The following HERC2 variants were observed in gnomAD, a reference collection of about 807,000 sequenced individuals.
The protein encoded by HERC2 is HECT and RLD domain containing E3 ubiquitin protein ligase 2.
Under a neutral mutation model 537.7 loss-of-function variants are expected in HERC2, and 102 were observed. The ratio of observed to expected loss-of-function variants is 0.19; its 90% confidence interval spans 0.16 to 0.22. The LOEUF (loss-of-function observed/expected upper bound fraction) is 0.22, where lower values mean the gene tolerates loss of function less well. Ranked by LOEUF, HERC2 falls within the 10% of genes least tolerant of loss-of-function variation. The pLI, the probability that HERC2 is intolerant of heterozygous loss-of-function variation, is 1.00. For synonymous variants in HERC2, 2,224 were observed against 2,466.2 expected (o/e 0.90, Z 2.91); for missense variants, 4,236 against 6,198.2 (o/e 0.68, Z 10.63).
At chr15:28,298,799 C>A (rs1052506671) in intron 3 of HERC2, among the ~76,000 whole-genome samples, 3 of 151,326 alleles carry the variant, frequency 2.0e-5, no homozygotes, top group Non-Finnish European at 3.0e-5. Context: ...CCTTCCCCCC[C>A]AAAAAAAAGA....
At chr15:28,291,209 G>A (rs537835630) in intron 4 of HERC2, among the ~76,000 whole-genome samples, 6 of 152,260 alleles carry the variant, frequency 3.9e-5, no homozygotes, top group African/African-American at 1.4e-4. Context: ...CTACGAGGTA[G>A]GTACTACTAT....
At chr15:28,278,663 G>A (rs1456811292) in intron 5 of HERC2, among the ~76,000 whole-genome samples, 1 of 152,068 alleles carries the variant, frequency 6.6e-6, no homozygotes, top group Non-Finnish European at 1.5e-5. Context: ...AGAAAACAAG[G>A]AAACAAGCTA....
intron 2 of HERC2, among the ~76,000 whole-genome samples, chr15:28,307,619 C>T (rs1001855620): frequency 6.6e-6 from 1 of 152,174 alleles, no homozygotes; most frequent in Non-Finnish European, 1.5e-5. Flanking sequence ...CATTCAGGAG[C>T]ATATTGTTTA....
At chr15:28,270,376 A>G (rs2075689010) in intron 10 of HERC2, among the ~76,000 whole-genome samples, 1 of 152,070 alleles carries the variant, frequency 6.6e-6, no homozygotes, top group Non-Finnish European at 1.5e-5. Context: ...CCGCGTTCAG[A>G]GTATGAAGAA....
In HERC2 at chr15:28,315,724, G is replaced by A. The variant is rs533487508; in HGVS notation, c.72+5638C>T. 136 of 1,151,006 alleles carry A rather than the reference G, an allele frequency of 1.2e-4. No individual in the cohort carries two copies. The Middle Eastern group carries it at 1.9e-3, about 16-fold the overall frequency. The allele number at this position is 1,151,006 out of a possible 1,614,324, so 71.3% of individuals were successfully genotyped here. ...GCCAAGTGGAGGAAGAAGCGAATGC[G>A]CAGGCTGAAGCGCAAAAGAAGAAAG... On this transcript the variant is annotated intron_variant, in intron 2 of 92. Transcript: ENST00000261609.
Position 28,215,722 on chromosome 15 carries a change from G to T in HERC2, c.6109C>A (p.Pro2037Thr). The T allele has an allele frequency of 6.2e-7, 1 of 1,612,040 alleles. No individual in the cohort carries two copies. Among genetic ancestry groups the T allele is most frequent in the Non-Finnish European group, 8.5e-7 (1 of 1,179,852 alleles). ...GAGCTGAGGGCGCCGCATACCTGCG[G>T]CGTGAGAGCGATGCTCCGCACAAAC... ...LGFVRSIALT[P>T]QVCGALSSPQ... Residue 2037 changes from proline (P) to threonine (T), a missense_variant, in exon 39 of 93, where the codon CCG becomes ACG. Pro to Thr is a conservative substitution (Grantham distance 38, BLOSUM62 -1). Around this residue, in one of 27 missense-constraint regions of HERC2, gnomAD observed 365 missense variants for 468.8 expected, o/e 0.78. Coordinates refer to ENST00000261609, the MANE Select transcript of HERC2 (RefSeq NM_004667.6).
At chr15:28,149,455 G>C (rs757644718) in intron 70 of HERC2, among the ~76,000 whole-genome samples, 2 of 147,830 alleles carry the variant, frequency 1.4e-5, no homozygotes, top group Admixed American at 1.3e-4. Context: ...GCTCCTAACC[G>C]AGAACGTCAC....
intron 4 of HERC2, among the ~76,000 whole-genome samples, chr15:28,280,537 C>A (rs1479446907): frequency 6.6e-6 from 1 of 152,108 alleles, no homozygotes; most frequent in African/African-American, 2.4e-5. Context: ...TCCGAGGCCA[C>A]ACAGAGGAGT....
At chr15:28,317,843 G>A (rs1158143788) in intron 2 of HERC2, among the ~76,000 whole-genome samples, 7 of 152,212 alleles carry the variant, frequency 4.6e-5, no homozygotes, top group African/African-American at 1.7e-4. Flanking sequence ...GGGGCAGTAT[G>A]CGCAAATATA....
intron 2 of HERC2, among the ~76,000 whole-genome samples, chr15:28,318,336 T>C (rs969209394): frequency 2.6e-5 from 4 of 152,052 alleles, no homozygotes; most frequent in East Asian, 3.9e-4. Context: ...AGCAGAAAAG[T>C]GTTGAACAGG....
intron 65 of HERC2, among the ~76,000 whole-genome samples, chr15:28,173,206 A>T (rs1442206784): frequency 6.6e-6 from 1 of 151,976 alleles, no homozygotes; most frequent in Admixed American, 6.6e-5. Flanking sequence ...TGATCCATCC[A>T]CTCCTCTCCT....
chr15:28,144,029 G>A (rs1162045756), intron 73 of HERC2, 38 bp from the exon 74 acceptor site: 1 of 1,614,136 alleles, frequency 6.2e-7, no homozygotes, highest in South Asian at 1.1e-5. Context: ...AAGTCTGATG[G>A]TTTCTTCCAA....
intron 3 of HERC2, among the ~76,000 whole-genome samples, chr15:28,295,962 C>T (rs899599675): frequency 4.6e-5 from 7 of 151,984 alleles, no homozygotes; most frequent in Admixed American, 6.6e-5. Context: ...AGGCCACCCC[C>T]ACCCTACATC....
intron 5 of HERC2, among the ~76,000 whole-genome samples, chr15:28,277,950 C>G (rs1363797211): frequency 6.6e-6 from 1 of 152,048 alleles, no homozygotes; most frequent in East Asian, 1.9e-4. Flanking sequence ...TGTGCACATC[C>G]TCCAGTATAA....
intron 78 of HERC2, among the ~76,000 whole-genome samples, chr15:28,139,836 G>A (rs184745026): frequency 2.7e-4 from 41 of 151,454 alleles, no homozygotes; most frequent in African/African-American, 7.6e-4. Flanking sequence ...CAAGGTGGTC[G>A]GATCACAAGG....
intron 69 of HERC2, among the ~76,000 whole-genome samples, chr15:28,160,454 G>C (rs1893473723): frequency 6.6e-6 from 1 of 152,182 alleles, no homozygotes; most frequent in South Asian, 2.1e-4. Context: ...CCCCCAGCCT[G>C]GCTGCTGCCT....
chr15:28,226,058 A>G (rs1262776849), intron 35 of HERC2, among the ~76,000 whole-genome samples: 2 of 152,236 alleles, frequency 1.3e-5, no homozygotes, highest in Non-Finnish European at 2.9e-5. Context: ...ATATGGGAAC[A>G]CTACCCAGTT....
intron 56 of HERC2, among the ~76,000 whole-genome samples, chr15:28,185,262 G>GT (rs575963976): frequency 1.3e-3 from 197 of 152,136 alleles, no homozygotes; most frequent in African/African-American, 4.6e-3. Flanking sequence ...GCACAGGGCA[G>GT]TGCTCTGTTG....
chr15:28,198,466 A>G lies in HERC2; in HGVS notation c.7923T>C (p.Ile2641=). 1 of 1,614,044 alleles carries G rather than the reference A, an allele frequency of 6.2e-7. No individual in the cohort carries two copies. Among genetic ancestry groups the G allele is most frequent in the South Asian group, 1.1e-5 (1 of 91,066 alleles). ...AGGCTTTGACCCGCACTTTATCACC[A>G]ATCTTGATGTGAGAAGAAGAACTTG... The part of the protein sequence containing the change: ...PPPSSSSHIK[I]GDKVRVKASV... The change falls in exon 50 of 93, where the codon ATT becomes ATC. Residue 2641 remains isoleucine, a synonymous_variant. Coordinates refer to ENST00000261609, the MANE Select transcript of HERC2 (RefSeq NM_004667.6).
Sources: allele counts gnomAD v4.1 joint callset (sites outside exome capture counted in the v4.1 genomes callset), GRCh38; gene constraint gnomAD v4.1.1; regional missense constraint gnomAD v4.1.1; transcripts MANE v1.5; gene names NCBI Gene and HGNC (gene_info 2026-07-23, HGNC 2026-07-21).